The following PCSK6 variants were observed in gnomAD, a reference collection of about 807,000 sequenced individuals.
PCSK6 encodes the protein paired basic amino acid cleaving enzyme 4.
PCSK6 carries 85 observed loss-of-function variants against 123.3 expected under a neutral mutation model. That is an observed-to-expected ratio of 0.69 (90% CI 0.58 to 0.83). The LOEUF is 0.83. Among genes scored for constraint, PCSK6 ranks in the 40% least tolerant of loss-of-function variants. The pLI is 0.00. For missense variants in PCSK6, 1,191 were observed against 1,282.3 expected (o/e 0.93, Z 1.09); for synonymous variants, 508 against 516.0 (o/e 0.98, Z 0.21).
intron 6 of PCSK6, among the ~76,000 whole-genome samples, chr15:101,424,494 A>C (rs2056188746): frequency 1.3e-5 from 2 of 152,260 alleles, no homozygotes; most frequent in South Asian, 4.1e-4. Context: ...GAACCTCAAC[A>C]AATACCAAAA....
At chr15:101,457,762 C>G (rs2057226620) in intron 1 of PCSK6, among the ~76,000 whole-genome samples, 1 of 152,192 alleles carries the variant, frequency 6.6e-6, no homozygotes, top group Non-Finnish European at 1.5e-5. Context: ...CAGCCCTGGC[C>G]ACCCCTCTGG....
In PCSK6 at chr15:101,366,295, C is replaced by T; in HGVS notation, c.1759G>A (p.Glu587Lys). The change falls in exon 13 of 22, where the codon GAA becomes AAA. Residue 587 changes from glutamate to lysine, a missense_variant. Glu to Lys is a moderately conservative substitution (Grantham distance 56). Around this residue, in one of 3 missense-constraint regions of PCSK6, gnomAD observed 630 missense variants for 631.4 expected, o/e 1.00. Coordinates refer to ENST00000611716, the MANE Select transcript of PCSK6 (RefSeq NM_002570.5). Reference protein sequence around the residue: ...DLSNEGFTNWEFMTVHCWGEK... With the variant: ...DLSNEGFTNWKFMTVHCWGEK... ...CCCCAGCAGTGGACAGTCATGAATT[C>T]CCAGTTTGTAAACCCTTCATTGGAA... 1 of 1,613,452 alleles carries T rather than the reference C, an allele frequency of 6.2e-7. No homozygotes were observed. The highest frequency in any genetic ancestry group is 8.5e-7 in the Non-Finnish European group (1 of 1,179,668).
chr15:101,479,327 G>T (rs1274053174), intron 1 of PCSK6, among the ~76,000 whole-genome samples: 1 of 152,250 alleles, frequency 6.6e-6, no homozygotes, highest in African/African-American at 2.4e-5. Flanking sequence ...AATGTCAAAG[G>T]CCCGGACTTC....
In PCSK6 at chr15:101,304,689, G is replaced by A. The variant is rs1331266509; in HGVS notation, c.*569C>T. ...AGTTTCAGAAGTAGCTGACTATGTAGAAATAGATACTCCGGCCCCAGTGGT... is the reference window on the plus strand; with the variant it reads ...AGTTTCAGAAGTAGCTGACTATGTAAAAATAGATACTCCGGCCCCAGTGGT... On this transcript the variant is annotated 3_prime_UTR_variant, in exon 22 of 22. Transcript: ENST00000611716. 2.0e-5 allele frequency: 3 copies of A among 152,508 alleles called. No individual in the cohort carries two copies. The highest frequency in any genetic ancestry group is 4.4e-5 in the Non-Finnish European group (3 of 68,306). The allele number at this position is 152,508 out of a possible 1,614,324, so 9.4% of individuals were successfully genotyped here.
intron 13 of PCSK6, chr15:101,365,889 T>C: frequency 4.5e-6 from 1 of 220,364 alleles, no homozygotes; most frequent in Non-Finnish European, 8.9e-6. Context: ...GATTAGAGGT[T>C]GCCAGGAGCT....
At chr15:101,396,118 G>T (rs1168260461) in intron 7 of PCSK6, among the ~76,000 whole-genome samples, 23 of 152,034 alleles carry the variant, frequency 1.5e-4, no homozygotes, top group Admixed American at 1.5e-3. Context: ...GCGATTTAAG[G>T]TTCTCTGTAT....
In PCSK6 at chr15:101,305,065, A is replaced by T. The variant is rs912461436; in HGVS notation, c.*193T>A. 1 of 577,080 alleles carries T rather than the reference A, an allele frequency of 1.7e-6. No individual in the cohort carries two copies. The highest frequency in any genetic ancestry group is 1.9e-5 in the African/African-American group (1 of 53,530). 35.7% of individuals were successfully genotyped at this position (577,080 alleles called of 1,614,324 possible). ...GCCAACAAGCAGCATTTGAGAGGAT[A>T]TCACCATTTTAGGAACACCTCCTTA... On this transcript the variant is annotated 3_prime_UTR_variant, in exon 22 of 22. Transcript: ENST00000611716. This position sits in a 1 kb window ranked among gnomAD's most constrained non-coding sequence, Gnocchi z 4.8.
intron 13 of PCSK6, among the ~76,000 whole-genome samples, chr15:101,339,645 G>A (rs1009007200): frequency 2.0e-5 from 3 of 152,168 alleles, no homozygotes; most frequent in Non-Finnish European, 2.9e-5. Flanking sequence ...AGTAGCTCAC[G>A]CTTGTGATCG....
chr15:101,418,308 C>T (rs1045067352), intron 6 of PCSK6, among the ~76,000 whole-genome samples: 1 of 152,124 alleles, frequency 6.6e-6, no homozygotes, highest in African/African-American at 2.4e-5. Context: ...AAGAAAGTTT[C>T]CTAACTCTTT....
Position 101,305,665 on chromosome 15 carries a change from G to A in PCSK6, c.2813-310C>T, listed in dbSNP as rs1596158271. On this transcript the variant is annotated intron_variant, in intron 21 of 21. Coordinates refer to ENST00000611716, the MANE Select transcript of PCSK6 (RefSeq NM_002570.5). This position sits in a 1 kb window ranked among gnomAD's most constrained non-coding sequence, Gnocchi z 4.8. Reference sequence around the variant, plus strand: ...AGAGGTTGCAGTGAGCTGAGATCATGCCACTGCACTCCAGCCTGGGCAAGA... The same window carrying A: ...AGAGGTTGCAGTGAGCTGAGATCATACCACTGCACTCCAGCCTGGGCAAGA... The A allele has an allele frequency of 1.2e-5, 3 of 252,830 alleles. No individual in the cohort carries two copies. The highest frequency in any genetic ancestry group is 9.0e-5 in the East Asian group (1 of 11,100). 15.7% of individuals were successfully genotyped at this position (252,830 alleles called of 1,614,324 possible).
chr15:101,318,172 A>G (rs2040035802), intron 19 of PCSK6, 147 bp downstream of exon 19: 2 of 622,522 alleles, frequency 3.2e-6, no homozygotes, highest in Non-Finnish European at 5.8e-6. Flanking sequence ...AGTCCCTGGT[A>G]GGGCCTTTGT....
chr15:101,371,304 G>A (rs577874631), intron 11 of PCSK6, among the ~76,000 whole-genome samples: 26 of 152,114 alleles, frequency 1.7e-4, no homozygotes, highest in Non-Finnish European at 2.8e-4. Flanking sequence ...GCTTCTCCTC[G>A]GTGGCATTTG....
At chr15:101,329,951 G>GGT (rs2040339505) in intron 15 of PCSK6, among the ~76,000 whole-genome samples, 1 of 152,224 alleles carries the variant, frequency 6.6e-6, no homozygotes, top group Non-Finnish European at 1.5e-5. Flanking sequence ...GGTTGCTACA[G>GGT]GTGCAGACCC....
intron 2 of PCSK6, among the ~76,000 whole-genome samples, chr15:101,443,300 T>A (rs1416885329): frequency 6.6e-6 from 1 of 152,222 alleles, no homozygotes; most frequent in Non-Finnish European, 1.5e-5. Flanking sequence ...CTTAGAGTTT[T>A]TGTTTCATGG....
chr15:101,465,668 T>G (rs1333996634), intron 1 of PCSK6, among the ~76,000 whole-genome samples: 1 of 128,228 alleles, frequency 7.8e-6, no homozygotes, highest in Non-Finnish European at 1.7e-5. Flanking sequence ...AAGACAATGG[T>G]GTCCTAAGAG....
intron 1 of PCSK6, among the ~76,000 whole-genome samples, chr15:101,486,290 T>C (rs1016493326): frequency 6.6e-6 from 1 of 152,182 alleles, no homozygotes; most frequent in Non-Finnish European, 1.5e-5. Flanking sequence ...TCTAAATATT[T>C]TATGTTTCTC....
At chr15:101,488,910 C>A (rs1169874623) in intron 1 of PCSK6, among the ~76,000 whole-genome samples, 1 of 150,512 alleles carries the variant, frequency 6.6e-6, no homozygotes, top group Non-Finnish European at 1.5e-5. Flanking sequence ...CGCACCGGGT[C>A]CGGAGCTCGC....
intron 1 of PCSK6, among the ~76,000 whole-genome samples, chr15:101,446,526 T>C (rs1567227212): frequency 6.6e-6 from 1 of 152,176 alleles, no homozygotes; most frequent in Non-Finnish European, 1.5e-5. Context: ...TTGATAAATT[T>C]TCTTGGAACA....
chr15:101,343,719 T>A (rs374652653), intron 13 of PCSK6, among the ~76,000 whole-genome samples: 27 of 152,364 alleles, frequency 1.8e-4, no homozygotes, highest in African/African-American at 6.5e-4. Context: ...ATGCTACCAA[T>A]CCTTGGAAAT....
Sources: allele counts gnomAD v4.1 joint callset (sites outside exome capture counted in the v4.1 genomes callset), GRCh38; gene constraint gnomAD v4.1.1; regional missense constraint gnomAD v4.1.1; non-coding constraint Gnocchi (gnomAD v3.1); transcripts MANE v1.5; gene names NCBI Gene and HGNC (gene_info 2026-07-23, HGNC 2026-07-21).